Variants in MAPK8 observed in about 807,000 individuals in gnomAD.
MAPK8 encodes mitogen-activated protein kinase 8, also known as JUN N-terminal kinase.
Under a neutral mutation model 52.9 loss-of-function variants are expected in MAPK8, and 13 were observed. The ratio of observed to expected loss-of-function variants is 0.25; its 90% CI spans 0.16 to 0.39. The LOEUF is 0.39. Ranked by LOEUF, MAPK8 falls within the 10% of genes least tolerant of loss-of-function variation. The probability of loss-of-function intolerance (pLI) is 1.00; values close to 1 mark genes in which losing one functional copy is unlikely to be tolerated. For missense variants in MAPK8, 300 were observed against 519.2 expected (o/e 0.58, Z 4.10); for synonymous variants, 191 against 169.8 (o/e 1.12, Z -0.97).
intron 1 of MAPK8, among the ~76,000 whole-genome samples, chr10:48,317,992 G>T (rs1842666125): frequency 6.6e-6 from 1 of 150,576 alleles, no homozygotes. Flanking sequence ...ACAGATTAAG[G>T]CAGGTAGTTG....
chr10:48,344,166 C>A (rs1845552436), intron 1 of MAPK8, among the ~76,000 whole-genome samples: 1 of 152,148 alleles, frequency 6.6e-6, no homozygotes, highest in Non-Finnish European at 1.5e-5. Context: ...AATTATGGGT[C>A]CCCTCTGTAA....
At chr10:48,355,244 T>C (rs1460267025) in intron 1 of MAPK8, among the ~76,000 whole-genome samples, 1 of 152,182 alleles carries the variant, frequency 6.6e-6, no homozygotes, top group East Asian at 1.9e-4. Flanking sequence ...GCGTGGTGGC[T>C]CACGCCTGTA....
chr10:48,427,887 T>C (rs1346626313), intron 10 of MAPK8, among the ~76,000 whole-genome samples: 1 of 152,224 alleles, frequency 6.6e-6, no homozygotes, highest in Non-Finnish European at 1.5e-5. Context: ...TATGTCACAC[T>C]TTATATATCC....
chr10:48,310,243 C>CT (rs1564462180), intron 1 of MAPK8, among the ~76,000 whole-genome samples: 3 of 152,026 alleles, frequency 2.0e-5, no homozygotes, highest in Non-Finnish European at 4.4e-5. Flanking sequence ...GCTGTCAGAA[C>CT]TTTTTTTTAT....
intron 1 of MAPK8, among the ~76,000 whole-genome samples, chr10:48,359,048 G>A (rs1355824801): frequency 3.3e-5 from 5 of 152,016 alleles, no homozygotes; most frequent in African/African-American, 1.2e-4. Flanking sequence ...GAGTCCTCCG[G>A]CTTTATCTTA....
intron 1 of MAPK8, among the ~76,000 whole-genome samples, chr10:48,348,701 G>A (rs1451440631): frequency 2.0e-5 from 3 of 152,136 alleles, no homozygotes; most frequent in African/African-American, 7.2e-5. Context: ...CGTTGTAGAT[G>A]TGTGGTGTTA....
chr10:48,310,664 G>A (rs994332281), intron 1 of MAPK8, among the ~76,000 whole-genome samples: 2 of 151,952 alleles, frequency 1.3e-5, no homozygotes, highest in African/African-American at 2.4e-5. Context: ...AAGGGTTCCC[G>A]CCAAACAAAA....
chr10:48,426,223 T>C, intron 8 of MAPK8, 153 bp downstream of exon 8: 1 of 915,576 alleles, frequency 1.1e-6, no homozygotes, highest in East Asian at 2.9e-5. Flanking sequence ...TTGTTTTTTT[T>C]TTCTTTAATC....
At chr10:48,415,422 A>G (rs1370533055) in intron 5 of MAPK8, among the ~76,000 whole-genome samples, 2 of 152,238 alleles carry the variant, frequency 1.3e-5, no homozygotes, top group Non-Finnish European at 2.9e-5. Flanking sequence ...GGAAACAACA[A>G]GAACCACAAA....
chr10:48,324,564 A>T (rs572986486), intron 1 of MAPK8, among the ~76,000 whole-genome samples: 2 of 140,650 alleles, frequency 1.4e-5, no homozygotes, highest in East Asian at 4.0e-4. Flanking sequence ...GCCATTTGTC[A>T]TATAGAATGT....
At chr10:48,329,490 G>A (rs1394844762) in intron 1 of MAPK8, among the ~76,000 whole-genome samples, 1 of 149,150 alleles carries the variant, frequency 6.7e-6, no homozygotes, top group Non-Finnish European at 1.5e-5. Context: ...GTGATAATGT[G>A]TAAAAAGATG....
In MAPK8 at chr10:48,435,048, GGT is replaced by G; in HGVS notation, c.*21_*22del. 1 of 1,502,208 alleles carries G rather than the reference GGT, an allele frequency of 6.7e-7. No individual in the cohort carries two copies. The highest frequency in any genetic ancestry group is 9.0e-7 in the Non-Finnish European group (1 of 1,108,420). The allele number at this position is 1,502,208 out of a possible 1,614,324, so 93.1% of individuals were successfully genotyped here. ...TAGATGACTACTTGGGCCATCGGGG[GGT>G]GGGAGGGATGGGGAGTCGGTTAGTC... On this transcript the variant is annotated 3_prime_UTR_variant, in exon 12 of 12. Coordinates refer to ENST00000374189, the MANE Select transcript of MAPK8 (RefSeq NM_001323329.2).
intron 1 of MAPK8, among the ~76,000 whole-genome samples, chr10:48,329,598 A>G (rs973350846): frequency 1.4e-4 from 22 of 152,196 alleles, no homozygotes; most frequent in Non-Finnish European, 2.4e-4. Flanking sequence ...GAATAAGTGA[A>G]AACACTTCAT....
chr10:48,374,485 C>T (rs1043230131), intron 1 of MAPK8, among the ~76,000 whole-genome samples: 18 of 151,376 alleles, frequency 1.2e-4, no homozygotes, highest in African/African-American at 2.4e-4. Context: ...CAAAATAGAC[C>T]GCTAGCCAGA....
At chr10:48,363,588 A>G (rs772167336) in intron 1 of MAPK8, among the ~76,000 whole-genome samples, 1 of 152,162 alleles carries the variant, frequency 6.6e-6, no homozygotes, top group Non-Finnish European at 1.5e-5. Context: ...GTTCAATACT[A>G]TCTTTTATCA....
intron 1 of MAPK8, among the ~76,000 whole-genome samples, chr10:48,380,941 A>C (rs2132727232): frequency 6.6e-6 from 1 of 152,310 alleles, no homozygotes; most frequent in East Asian, 1.9e-4. Context: ...TGTATCAAAG[A>C]GTAAGACTCC....
At chr10:48,329,398 G>A (rs1437047092) in intron 1 of MAPK8, among the ~76,000 whole-genome samples, 3 of 152,072 alleles carry the variant, frequency 2.0e-5, no homozygotes, top group East Asian at 3.8e-4. Context: ...TCCCTAATTG[G>A]AAGAATTCAG....
chr10:48,384,841 A>G (rs550740874), intron 1 of MAPK8, among the ~76,000 whole-genome samples: 5 of 152,338 alleles, frequency 3.3e-5, no homozygotes, highest in African/African-American at 1.2e-4. Flanking sequence ...AGTGCCAGAA[A>G]TGTCAACCTA....
intron 1 of MAPK8, among the ~76,000 whole-genome samples, chr10:48,324,354 A>G (rs937376133): frequency 5.3e-5 from 8 of 152,186 alleles, no homozygotes; most frequent in Admixed American, 3.3e-4. Context: ...CAATCACTGG[A>G]GAGTCCTATT....
Sources: allele counts gnomAD v4.1 joint callset (sites outside exome capture counted in the v4.1 genomes callset), GRCh38; gene constraint gnomAD v4.1.1; transcripts MANE v1.5; gene names NCBI Gene and HGNC (gene_info 2026-07-23, HGNC 2026-07-21).